The following CAMKK1 variants were observed in gnomAD, a reference collection of about 807,000 sequenced individuals.
The protein encoded by CAMKK1 is calcium/calmodulin-dependent protein kinase kinase 1.
In CAMKK1, 20 loss-of-function variants were observed where a neutral mutation model predicts 63.5. The observed-to-expected ratio is 0.32, with a 90% CI of 0.22 to 0.46. CAMKK1 has a LOEUF of 0.46. Among genes scored for constraint, CAMKK1 ranks in the 20% least tolerant of loss-of-function variants. The probability of loss-of-function intolerance (pLI) is 1.00; values close to 1 mark genes in which losing one functional copy is unlikely to be tolerated. For synonymous variants in CAMKK1, 253 were observed against 269.0 expected (o/e 0.94, Z 0.58); for missense variants, 588 against 658.1 (o/e 0.89, Z 1.17).
At chr17:3,868,188 CG>C (rs778389128) in intron 14 of CAMKK1, among the ~76,000 whole-genome samples, 1 of 5,416 alleles carries the variant, frequency 1.8e-4, no homozygotes, top group Non-Finnish European at 3.2e-4. Context: ...GAGAAGCAGG[CG>C]CCGTCTAACT....
rs1380241138 is a variant in CAMKK1, at chr17:3,887,788, C to T, written c.-43-2058G>A. 6.6e-6 allele frequency among the ~76,000 whole-genome samples: 1 copy of T among 152,128 alleles called. No individual in the cohort carries two copies. The highest frequency in any genetic ancestry group is 2.4e-5 in the African/African-American group (1 of 41,406). On this transcript the variant is annotated intron_variant, in intron 1 of 15. Coordinates refer to ENST00000348335, the MANE Select transcript of CAMKK1 (RefSeq NM_032294.3). This position sits in a 1 kb window ranked among gnomAD's most constrained non-coding sequence, Gnocchi z 6.1. ...CTTCGGGGAGAGCTTGGAAACCAGA[C>T]AGCATAGGAAGGAGGAAGCCAAAGC...
rs2054854998 is a variant in CAMKK1, at chr17:3,871,359, T to TG, written c.1124+1194_1124+1195insC. Among the ~76,000 whole-genome samples the TG allele has an allele frequency of 6.6e-5, 7 of 105,688 alleles. No individual in the cohort carries two copies. The South Asian group carries it at 1.0e-3, about 15-fold the overall frequency. 69.3% of individuals were successfully genotyped at this position (105,688 alleles called of 152,430 possible). On this transcript the variant is annotated intron_variant, in intron 12 of 15. Coordinates refer to ENST00000348335, the MANE Select transcript of CAMKK1 (RefSeq NM_032294.3). ...TTTTTTTTTTTTTGTTTTTTTTTTT[T>TG]TTTTTTTTTTTTTGAGACAGAGTCT...
chr17:3,864,991 A>G (rs1567609165), intron 15 of CAMKK1, among the ~76,000 whole-genome samples: 1 of 152,156 alleles, frequency 6.6e-6, no homozygotes, highest in Non-Finnish European at 1.5e-5. Context: ...TGCGCCTTCC[A>G]CACAGAGCAG....
rs1350054985 is a variant in CAMKK1 at position 3,884,979 on chromosome 17, G to A, written c.360+349C>T. ...GCTTCTGAGTCACAGCAGACTCTAA[G>A]AGGCAGAATTAGAGGCGAGGGGTGC... On this transcript the variant is annotated intron_variant, in intron 2 of 15. Coordinates refer to ENST00000348335, the MANE Select transcript of CAMKK1 (RefSeq NM_032294.3). The surrounding 1 kb of genome is among the most constrained non-coding windows in gnomAD (Gnocchi z 4.5). 6.6e-6 allele frequency among the ~76,000 whole-genome samples: 1 copy of A among 152,202 alleles called. No individual in the cohort carries two copies. Among genetic ancestry groups the A allele is most frequent in the Non-Finnish European group, 1.5e-5 (1 of 68,036 alleles).
chr17:3,877,513 G>A (rs1188130419), intron 9 of CAMKK1, among the ~76,000 whole-genome samples: 1 of 152,132 alleles, frequency 6.6e-6, no homozygotes, highest in Admixed American at 6.6e-5. Context: ...TCGACCTGTG[G>A]GCTCCCTCCT....
intron 14 of CAMKK1, among the ~76,000 whole-genome samples, chr17:3,868,852 G>A (rs993433422): frequency 6.6e-5 from 10 of 151,404 alleles, no homozygotes; most frequent in East Asian, 5.8e-4. Flanking sequence ...GTGGGGTTTC[G>A]CCGTATTAGC....
chr17:3,876,511 G>T, intron 9 of CAMKK1, 89 bp from the exon 10 acceptor site: 1 of 1,166,738 alleles, frequency 8.6e-7, no homozygotes, highest in Non-Finnish European at 1.3e-6. Flanking sequence ...AGGGACGCCG[G>T]CCGGGACATC....
chr17:3,863,479 C>T (rs2054395195), intron 15 of CAMKK1, among the ~76,000 whole-genome samples: 1 of 152,162 alleles, frequency 6.6e-6, no homozygotes, highest in African/African-American at 2.4e-5. Context: ...GCCTGGGCAA[C>T]AAGAGTGAAA....
Position 3,862,655 on chromosome 17 carries a change from C to T in CAMKK1, c.1446-372G>A, listed in dbSNP as rs893701852. Among the ~76,000 whole-genome samples the T allele has an allele frequency of 6.6e-6, 1 of 152,180 alleles. No homozygotes were observed. The highest frequency in any genetic ancestry group is 1.5e-5 in the Non-Finnish European group (1 of 68,026). ...TGGTTTTGTTGTTGTTTTGAGACAG[C>T]GTCTCGCTCTGTCGTGCAGGCTGCA... On this transcript the variant is annotated intron_variant, in intron 15 of 15. Transcript: ENST00000348335. The surrounding 1 kb of genome is among the most constrained non-coding windows in gnomAD (Gnocchi z 4.1).
chr17:3,870,490 C>T (rs28368749), intron 12 of CAMKK1, among the ~76,000 whole-genome samples: 20,383 of 151,900 alleles, frequency 0.13, 2,171 homozygotes, highest in African/African-American at 0.29. Flanking sequence ...CTCAGCCTCC[C>T]GAGTAGCTGG....
intron 15 of CAMKK1, among the ~76,000 whole-genome samples, chr17:3,864,784 G>T (rs765251683): frequency 3.9e-5 from 6 of 152,168 alleles, no homozygotes; most frequent in Non-Finnish European, 8.8e-5. Flanking sequence ...TCATTATGAG[G>T]CTCTCCCTGG....
chr17:3,876,193 C>T (rs2055143245), intron 10 of CAMKK1, 30 bp downstream of exon 10: 2 of 1,601,220 alleles, frequency 1.2e-6, no homozygotes, highest in East Asian at 4.5e-5. Context: ...CCCACTTGAA[C>T]CCCAGCCTGG....
intron 9 of CAMKK1, chr17:3,880,019 C>T: frequency 3.0e-6 from 1 of 335,434 alleles, no homozygotes; most frequent in South Asian, 3.7e-5. Flanking sequence ...GACATAAATC[C>T]CTTCCTTCCC....
chr17:3,864,467 C>T lies in CAMKK1; in HGVS notation c.1445+1441G>A, dbSNP rs180738570. 5.7e-3 allele frequency among the ~76,000 whole-genome samples: 859 copies of T among 151,032 alleles called. 12 individuals are homozygous for T. Among genetic ancestry groups the T allele is most frequent in the African/African-American group, 0.02 (821 of 41,060 alleles). On this transcript the variant is annotated intron_variant, in intron 15 of 15. Coordinates refer to ENST00000348335, the MANE Select transcript of CAMKK1 (RefSeq NM_032294.3). ...TTCACCGTGTTAGCCAGGATGGTCT[C>T]GATCTCCTGACCCTGTGATCCACCC...
At position 3,869,627 on chromosome 17, in the gene CAMKK1, G is replaced by A. The variant is rs376063003; in HGVS notation, c.1213-12C>T. Reference sequence around the variant, plus strand: ...ACCCAAGGGTGCAACTGTCGGGGCCGGGAGGGCAGGGAGAGGGGGAGAGGT... The same window carrying A: ...ACCCAAGGGTGCAACTGTCGGGGCCAGGAGGGCAGGGAGAGGGGGAGAGGT... On this transcript the variant is annotated splice_polypyrimidine_tract_variant and intron_variant, in intron 13 of 15. Transcript: ENST00000348335. 7.5e-5 allele frequency: 121 copies of A among 1,613,948 alleles called. No individual in the cohort carries two copies. Among genetic ancestry groups the A allele is most frequent in the Non-Finnish European group, 9.4e-5 (111 of 1,179,970 alleles).
intron 12 of CAMKK1, among the ~76,000 whole-genome samples, chr17:3,871,333 G>GTT (rs71155812): frequency 7.2e-5 from 8 of 111,036 alleles, no homozygotes; most frequent in Non-Finnish European, 1.3e-4. Flanking sequence ...GTTGTTTTTT[G>GTT]TTTTTTTTTT....
Position 3,887,274 on chromosome 17 carries a change from G to A in CAMKK1, c.-43-1544C>T, listed in dbSNP as rs982478247. Reference sequence around the variant, plus strand: ...CAGCAGGGTTTGGAGGTAGACTGAGGGTAAGGGTGAGGTCCAGACCCCCTG... The same window carrying A: ...CAGCAGGGTTTGGAGGTAGACTGAGAGTAAGGGTGAGGTCCAGACCCCCTG... On this transcript the variant is annotated intron_variant, in intron 1 of 15. Transcript: ENST00000348335. This position sits in a 1 kb window ranked among gnomAD's most constrained non-coding sequence, Gnocchi z 6.1. Among the ~76,000 whole-genome samples the A allele has an allele frequency of 1.3e-5, 2 of 152,192 alleles. No individual in the cohort carries two copies. Among genetic ancestry groups the A allele is most frequent in the African/African-American group, 4.8e-5 (2 of 41,456 alleles).
rs2054743106 is a variant in CAMKK1, at chr17:3,869,529, C to T, written c.1299G>A (p.Glu433=). The part of the protein sequence containing the change: ...HCSVVEVTEE[E]VKNSVRLIPS... ...GGATGAGCCTGACTGAGTTCTTAAC[C>T]TCCTCCTCTGTCACCTCCACCACGC... The change falls in exon 14 of 16, where the codon GAG becomes GAA. Residue 433 remains glutamate (E), a synonymous_variant. Coordinates refer to ENST00000348335, the MANE Select transcript of CAMKK1 (RefSeq NM_032294.3). The T allele has an allele frequency of 1.2e-6, 2 of 1,614,132 alleles. No individual in the cohort carries two copies. The highest frequency in any genetic ancestry group is 1.7e-6 in the Non-Finnish European group (2 of 1,180,052).
intron 14 of CAMKK1, among the ~76,000 whole-genome samples, chr17:3,868,877 T>A (rs1205998499): frequency 6.6e-6 from 1 of 151,912 alleles, no homozygotes; most frequent in Non-Finnish European, 1.5e-5. Flanking sequence ...ATGGTCTCGA[T>A]CTCCTGACCT....
Sources: allele counts gnomAD v4.1 joint callset (sites outside exome capture counted in the v4.1 genomes callset), GRCh38; gene constraint gnomAD v4.1.1; non-coding constraint Gnocchi (gnomAD v3.1); transcripts MANE v1.5; gene names NCBI Gene and HGNC (gene_info 2026-07-23, HGNC 2026-07-21).